Variants in CWF19L2 observed in about 807,000 individuals in gnomAD.
CWF19L2 encodes the protein CWF19 like cell cycle control factor 2, also known as CWF19-like protein 2.
Under a neutral mutation model 111.7 loss-of-function variants are expected in CWF19L2, and 98 were observed. The observed-to-expected ratio is 0.88, with a 90% confidence interval of 0.75 to 1.04. CWF19L2 has a LOEUF of 1.04. Ranked by LOEUF, CWF19L2 falls within the 50% of genes least tolerant of loss-of-function variation. The pLI is 0.00. For missense variants in CWF19L2, 1,101 were observed against 1,051.4 expected (o/e 1.05, Z -0.65); for synonymous variants, 351 against 342.9 (o/e 1.02, Z -0.26).
chr11:107,383,807 G>C (rs1197149615), intron 12 of CWF19L2, among the ~76,000 whole-genome samples: 2 of 152,182 alleles, frequency 1.3e-5, no homozygotes, highest in African/African-American at 2.4e-5. Context: ...AAAGGCAATA[G>C]GGCAGATCTG....
intron 10 of CWF19L2, among the ~76,000 whole-genome samples, chr11:107,405,771 T>C (rs574247328): frequency 1.9e-4 from 28 of 146,438 alleles, no homozygotes; most frequent in Non-Finnish European, 3.6e-4. Flanking sequence ...CCTTGCTGAC[T>C]AAATTGGGAT....
chr11:107,345,404 C>T (rs1860065589), intron 14 of CWF19L2: 3 of 397,182 alleles, frequency 7.6e-6, no homozygotes, highest in East Asian at 8.3e-5. Context: ...TTAAATAATC[C>T]GAAAATTACC....
At chr11:107,342,576 TAG>T (rs145505916) in intron 14 of CWF19L2, among the ~76,000 whole-genome samples, 2,999 of 152,236 alleles carry the variant, frequency 0.02, 139 homozygotes, top group East Asian at 0.11. Context: ...TGTGGCAAGA[TAG>T]AGTCTATGCT....
intron 14 of CWF19L2, among the ~76,000 whole-genome samples, chr11:107,345,994 T>C (rs1453045195): frequency 2.6e-5 from 4 of 152,144 alleles, no homozygotes; most frequent in East Asian, 3.9e-4. Context: ...TTCTAACCTA[T>C]CATTATTCAT....
At chr11:107,343,786 T>C (rs964580404) in intron 14 of CWF19L2, among the ~76,000 whole-genome samples, 2 of 152,190 alleles carry the variant, frequency 1.3e-5, no homozygotes, top group South Asian at 2.1e-4. Flanking sequence ...TACATACATA[T>C]ATATTTAATC....
At chr11:107,456,431 A>G (rs1861856301) in intron 1 of CWF19L2, among the ~76,000 whole-genome samples, 1 of 152,148 alleles carries the variant, frequency 6.6e-6, no homozygotes, top group Admixed American at 6.5e-5. Context: ...TGGAAATACC[A>G]AAGAGAAAAG....
chr11:107,381,458 A>G (rs1400416444), intron 12 of CWF19L2, among the ~76,000 whole-genome samples: 1 of 152,220 alleles, frequency 6.6e-6, no homozygotes, highest in Non-Finnish European at 1.5e-5. Context: ...CGGTTCTACA[A>G]AAAGGCAAAA....
chr11:107,354,088 T>A (rs2134547203), intron 12 of CWF19L2, among the ~76,000 whole-genome samples: 1 of 149,444 alleles, frequency 6.7e-6, no homozygotes, highest in African/African-American at 2.4e-5. Context: ...ATACACTATA[T>A]AGAATGTGGA....
chr11:107,451,493 A>C (rs1861777781), intron 3 of CWF19L2, among the ~76,000 whole-genome samples: 1 of 151,418 alleles, frequency 6.6e-6, no homozygotes, highest in African/African-American at 2.5e-5. Flanking sequence ...GAGAAAATTC[A>C]AGGAAACTAA....
intron 12 of CWF19L2, among the ~76,000 whole-genome samples, chr11:107,388,775 A>G (rs150061758): frequency 9.2e-5 from 14 of 152,348 alleles, no homozygotes; most frequent in Middle Eastern, 3.4e-3. Flanking sequence ...TATTTAATTC[A>G]GACTTCATAT....
intron 6 of CWF19L2, among the ~76,000 whole-genome samples, chr11:107,438,503 G>T (rs941215750): frequency 6.6e-6 from 1 of 152,000 alleles, no homozygotes; most frequent in African/African-American, 2.4e-5. Context: ...GTTACAGAAT[G>T]TAACAAACCA....
At chr11:107,426,591 T>C (rs890110890) in intron 8 of CWF19L2, among the ~76,000 whole-genome samples, 18 of 151,672 alleles carry the variant, frequency 1.2e-4, no homozygotes, top group Admixed American at 9.2e-4. Context: ...CAGTGAAAAA[T>C]ATTAGGTTAT....
intron 12 of CWF19L2, among the ~76,000 whole-genome samples, chr11:107,355,136 G>T (rs1203033537): frequency 6.6e-6 from 1 of 152,082 alleles, no homozygotes. Flanking sequence ...AACAAAACAG[G>T]CCAGGCGCGG....
At position 107,438,387 on chromosome 11, in the gene CWF19L2, T is replaced by C. The variant is rs1405437099; in HGVS notation, c.664+703A>G. ...AATAATAGCACTCTCCTAAGGTCAATACAAATTTTAAGAATTCTAGAAAAG... is the reference window on the plus strand; with the variant it reads ...AATAATAGCACTCTCCTAAGGTCAACACAAATTTTAAGAATTCTAGAAAAG... On this transcript the variant is annotated intron_variant, in intron 6 of 17. Transcript: ENST00000282251. Among the ~76,000 whole-genome samples the C allele has an allele frequency of 5.9e-5, 9 of 152,328 alleles. No homozygotes were observed. In the East Asian group the frequency reaches 9.6e-4, roughly 16 times the overall value.
intron 16 of CWF19L2, among the ~76,000 whole-genome samples, chr11:107,334,358 A>G (rs114004089): frequency 0.011 from 1,729 of 152,318 alleles, 31 homozygotes; most frequent in African/African-American, 0.039. Context: ...ACAAATAAAG[A>G]TTAAACTATG....
chr11:107,388,935 T>C (rs988220401), intron 12 of CWF19L2, among the ~76,000 whole-genome samples: 1 of 152,168 alleles, frequency 6.6e-6, no homozygotes, highest in Middle Eastern at 3.2e-3. Context: ...TAAGATCTCA[T>C]GAAACTCTTG....
At chr11:107,420,960 A>G (rs1861295621) in intron 8 of CWF19L2, among the ~76,000 whole-genome samples, 1 of 152,056 alleles carries the variant, frequency 6.6e-6, no homozygotes. Context: ...ATGGACATCC[A>G]TAGAACACAC....
At chr11:107,400,162 G>A (rs1565268784) in intron 10 of CWF19L2, among the ~76,000 whole-genome samples, 1 of 151,500 alleles carries the variant, frequency 6.6e-6, no homozygotes, top group Non-Finnish European at 1.5e-5. Context: ...CAAGGAACCA[G>A]AGAAAAAAGA....
In CWF19L2 at chr11:107,330,008, C is replaced by A. The variant is rs749051075; in HGVS notation, c.2451G>T (p.Gly817=). ...SKDIRKSVPR[G]LPYFSVDFGL... is the part of the protein sequence containing the mutation. ...CAAAATCCACAGAGAAGTAAGGTAA[C>A]CCTCTGGGTACCTAAATAAACAGAC... The change falls in exon 17 of 18, where the codon GGG becomes GGT. Residue 817 remains glycine, a synonymous_variant. Coordinates refer to ENST00000282251, the MANE Select transcript of CWF19L2 (RefSeq NM_152434.3). 1.3e-6 allele frequency: 2 copies of A among 1,566,386 alleles called. No individual in the cohort carries two copies. The highest frequency in any genetic ancestry group is 1.9e-5 in the Admixed American group (1 of 51,522).
Sources: gnomAD v4.1 joint callset for allele counts (sites outside exome capture counted in the v4.1 genomes callset) on GRCh38, gnomAD v4.1.1 for gene constraint, MANE v1.5 for transcripts, NCBI Gene and HGNC (gene_info 2026-07-23, HGNC 2026-07-21) for gene names.